GOLGA3: variants seen among roughly 807,000 people sequenced by gnomAD.
GOLGA3 encodes golgin A3, also known as golgin subfamily A member 3.
A neutral mutation model predicts 169.4 loss-of-function variants in GOLGA3; 75 were observed. The ratio of observed to expected loss-of-function variants is 0.44; its 90% CI spans 0.37 to 0.54. The LOEUF is 0.54. Ranked by LOEUF, GOLGA3 falls within the 20% of genes least tolerant of loss-of-function variation. The pLI, the probability that GOLGA3 is intolerant of heterozygous loss-of-function variation, is 0.00. For synonymous variants in GOLGA3, 824 were observed against 822.4 expected (o/e 1.00, Z -0.03); for missense variants, 1,899 against 1,930.0 (o/e 0.98, Z 0.30).
Position 132,780,824 on chromosome 12 carries a change from CCTT to C in GOLGA3, c.3553_3555del (p.Lys1185del). ...TGCTCCTTGAGGCTGTTCACCTTCT[CCTT>C]CTCCTTCTCTAGTGAGGCCTGCAGG... is the stretch of plus-strand genomic sequence containing the variant. On this transcript the variant is annotated inframe_deletion, in exon 18 of 24. Coordinates refer to ENST00000450791, the MANE Select transcript of GOLGA3 (RefSeq NM_001389683.1). 6.2e-7 allele frequency: 1 copy of C among 1,611,212 alleles called. No homozygotes were observed. The highest frequency in any genetic ancestry group is 8.5e-7 in the Non-Finnish European group (1 of 1,179,240).
chr12:132,828,827 G>C lies in GOLGA3; in HGVS notation c.-208C>G, dbSNP rs1434481116. 1 of 152,238 alleles carries C rather than the reference G, an allele frequency of 6.6e-6. No homozygotes were observed. Among genetic ancestry groups the C allele is most frequent in the Non-Finnish European group, 1.5e-5 (1 of 68,006 alleles). The allele number at this position is 152,238 out of a possible 1,614,324, so 9.4% of individuals were successfully genotyped here. A position where few individuals can be genotyped will look rare whatever the true frequency, so the allele number is the denominator to read the frequency against. On this transcript the variant is annotated 5_prime_UTR_variant, in exon 1 of 24. Transcript: ENST00000450791. ...CCCTGCTGCTCTGGCAGCCCCGGAG[G>C]CCGCCCGGCCCGGATGCTCCGGCGG...
chr12:132,821,962 T>G, intron 2 of GOLGA3, 34 bp downstream of exon 2: 1 of 1,477,110 alleles, frequency 6.8e-7, no homozygotes, highest in Non-Finnish European at 9.2e-7. Flanking sequence ...CAGGTCCTCC[T>G]GTGACCAGCA....
At chr12:132,812,212 CAT>C (rs1198638648) in intron 4 of GOLGA3, among the ~76,000 whole-genome samples, 1 of 116,214 alleles carries the variant, frequency 8.6e-6, no homozygotes, top group African/African-American at 2.8e-5. Flanking sequence ...CACACACACA[CAT>C]ATATATATAT....
intron 8 of GOLGA3, among the ~76,000 whole-genome samples, chr12:132,799,641 T>G (rs1172017960): frequency 6.6e-6 from 1 of 152,006 alleles, no homozygotes; most frequent in Non-Finnish European, 1.5e-5. Flanking sequence ...AGACCCTGTC[T>G]CCGAAAAAAC....
At position 132,808,020 on chromosome 12, in the gene GOLGA3, A is replaced by G. The variant is rs756994566; in HGVS notation, c.1049T>C (p.Ile350Thr). ...GAACTGGCCCAGGGTATCCGCAGGAATCTCCTGGCCGTTGACCATATAGGG... is the reference window on the plus strand; with the variant it reads ...GAACTGGCCCAGGGTATCCGCAGGAGTCTCCTGGCCGTTGACCATATAGGG... ...DTPYMVNGQE[I>T]PADTLGQFPS... Residue 350 changes from isoleucine (I) to threonine (T), a missense_variant, in exon 5 of 24, where the codon ATT becomes ACT. Ile to Thr is a moderately conservative substitution (Grantham distance 89, BLOSUM62 -1). Coordinates refer to ENST00000450791, the MANE Select transcript of GOLGA3 (RefSeq NM_001389683.1). 1 of 1,610,908 alleles carries G rather than the reference A, an allele frequency of 6.2e-7. No homozygotes were observed. The highest frequency in any genetic ancestry group is 2.2e-5 in the East Asian group (1 of 44,842).
In GOLGA3 at chr12:132,816,739, G is replaced by A. The variant is rs550650146; in HGVS notation, c.207C>T (p.Asn69=). 49 of 1,613,772 alleles carry A rather than the reference G, an allele frequency of 3.0e-5. No individual in the cohort carries two copies. The highest frequency in any genetic ancestry group is 8.0e-5 in the African/African-American group (6 of 75,024). ...DGPGQGGLCQ[N]GPTPPFPDPP... is the part of the protein sequence containing the mutation. ...GGTCTGGGAAGGGTGGCGTTGGCCC[G>A]TTCTGACAGAGGCCTCCCTGGCCAG... The change falls in exon 3 of 24, where the codon AAC becomes AAT. Residue 69 remains asparagine (N), a synonymous_variant. Transcript: ENST00000450791.
chr12:132,773,130 G>GC lies in GOLGA3; in HGVS notation c.4471dup (p.Ala1491GlyfsTer43). The GC allele has an allele frequency of 6.3e-7, 1 of 1,586,036 alleles. No individual in the cohort carries two copies. Among genetic ancestry groups the GC allele is most frequent in the Non-Finnish European group, 8.6e-7 (1 of 1,165,558 alleles). ...TCACTCTCCCGGCCCTTCTTTGGAA[G>GC]CCCTGCTCTGACTGTGTCTCTGTGG... On this transcript the variant is annotated frameshift_variant, in exon 24 of 24. Coordinates refer to ENST00000450791, the MANE Select transcript of GOLGA3 (RefSeq NM_001389683.1). LOFTEE classifies it low-confidence loss of function (END_TRUNC).
chr12:132,797,966 C>T (rs1191006442), intron 9 of GOLGA3, among the ~76,000 whole-genome samples: 3 of 152,236 alleles, frequency 2.0e-5, no homozygotes, highest in South Asian at 2.1e-4. Flanking sequence ...CCCCTTCCTC[C>T]GTACCCACTC....
rs1319092678 is a variant in GOLGA3 at position 132,804,637 on chromosome 12, G to T, written c.1597+79C>A. 8.3e-7 allele frequency: 1 copy of T among 1,205,516 alleles called. No homozygotes were observed. The highest frequency in any genetic ancestry group is 2.3e-5 in the East Asian group (1 of 42,682). 74.7% of individuals were successfully genotyped at this position (1,205,516 alleles called of 1,614,324 possible). On this transcript the variant is annotated intron_variant, in intron 7 of 23. Coordinates refer to ENST00000450791, the MANE Select transcript of GOLGA3 (RefSeq NM_001389683.1). The surrounding 1 kb of genome is among the most constrained non-coding windows in gnomAD (Gnocchi z 4.1). Reference sequence around the variant, plus strand: ...CCAGTCAGGGAAGGAGGAGGGCGTGGCGGGGGCCAGTCGAGGAAGGAGGAG... The same window carrying T: ...CCAGTCAGGGAAGGAGGAGGGCGTGTCGGGGGCCAGTCGAGGAAGGAGGAG...
Position 132,789,615 on chromosome 12 carries a change from T to G in GOLGA3, c.2548-325A>C, listed in dbSNP as rs143886090. Among the ~76,000 whole-genome samples, 388 of 151,908 alleles carry G rather than the reference T, an allele frequency of 2.6e-3. 1 individual carries two copies. Among genetic ancestry groups the G allele is most frequent in the African/African-American group, 9.0e-3 (370 of 41,208 alleles). On this transcript the variant is annotated intron_variant, in intron 12 of 23. Coordinates refer to ENST00000450791, the MANE Select transcript of GOLGA3 (RefSeq NM_001389683.1). Reference sequence around the variant, plus strand: ...TGCTTCCAACAGGTAATCCCCTTGCTTGTGGCTCAGTAATAAAGCAAAGCA... The same window carrying G: ...TGCTTCCAACAGGTAATCCCCTTGCGTGTGGCTCAGTAATAAAGCAAAGCA...
Position 132,786,260 on chromosome 12 carries a change from G to A in GOLGA3, c.3123+79C>T, listed in dbSNP as rs2045892456. ...CGAGCTCGGCCCCGCTAGGCTTTAG[G>A]GGACAACTGCTGATGGAGAGCCCTT... On this transcript the variant is annotated intron_variant, in intron 15 of 23. Coordinates refer to ENST00000450791, the MANE Select transcript of GOLGA3 (RefSeq NM_001389683.1). 17 of 1,002,440 alleles carry A rather than the reference G, an allele frequency of 1.7e-5. No homozygotes were observed. The South Asian group carries it at 1.9e-4, about 11-fold the overall frequency. 62.1% of individuals were successfully genotyped at this position (1,002,440 alleles called of 1,614,324 possible).
At chr12:132,780,985 G>A (rs2045571141) in intron 17 of GOLGA3, 71 bp from the exon 18 acceptor site, 2 of 1,129,426 alleles carry the variant, frequency 1.8e-6, no homozygotes, top group East Asian at 4.7e-5. Flanking sequence ...GCTACAGCAG[G>A]CAACGTGACA....
rs1040824866 is a variant in GOLGA3, at chr12:132,777,577, A to C, written c.3722+89T>G. The C allele has an allele frequency of 3.5e-6, 5 of 1,442,324 alleles. No individual in the cohort carries two copies. The Admixed American group carries it at 7.8e-5, about 23-fold the overall frequency. The allele number at this position is 1,442,324 out of a possible 1,614,324, so 89.3% of individuals were successfully genotyped here. On this transcript the variant is annotated intron_variant, in intron 19 of 23. Coordinates refer to ENST00000450791, the MANE Select transcript of GOLGA3 (RefSeq NM_001389683.1). The surrounding 1 kb of genome is among the most constrained non-coding windows in gnomAD (Gnocchi z 4.7). ...GTACTCGGCAATTTGCAAAATATAG[A>C]TGACCCTCGCTGTGCTGAAGGTGTG... is the stretch of plus-strand genomic sequence containing the variant.
intron 7 of GOLGA3, among the ~76,000 whole-genome samples, chr12:132,803,937 G>A (rs960053444): frequency 2.6e-5 from 4 of 152,128 alleles, no homozygotes; most frequent in Admixed American, 1.3e-4. Context: ...ACCCTGCTTC[G>A]CCCTCTCCTT....
chr12:132,783,544 G>A lies in GOLGA3; in HGVS notation c.3267+620C>T, dbSNP rs183675543. 4.4e-3 allele frequency among the ~76,000 whole-genome samples: 675 copies of A among 152,386 alleles called. 7 individuals are homozygous for A. Among genetic ancestry groups the A allele is most frequent in the African/African-American group, 0.015 (641 of 41,598 alleles). ...GGGACACTGAGCTGCCACCAGCAGC[G>A]CTGAAGCGAGAACTGTCTCTGAACC... On this transcript the variant is annotated intron_variant, in intron 16 of 23. Transcript: ENST00000450791.
intron 3 of GOLGA3, among the ~76,000 whole-genome samples, chr12:132,815,244 T>C (rs1437431453): frequency 1.3e-5 from 2 of 152,224 alleles, no homozygotes; most frequent in African/African-American, 2.4e-5. Flanking sequence ...CAGATATTTA[T>C]ATAAGTCGGC....
intron 1 of GOLGA3, chr12:132,828,307 G>A (rs1950512033): frequency 6.6e-6 from 1 of 152,222 alleles, no homozygotes; most frequent in Non-Finnish European, 1.5e-5. Flanking sequence ...CCACACGACT[G>A]ACATTCGTCG....
At chr12:132,776,116 A>C (rs72624270) in intron 21 of GOLGA3, among the ~76,000 whole-genome samples, 37,513 of 138,684 alleles carry the variant, frequency 0.27, 7,364 homozygotes, top group Non-Finnish European at 0.38. Context: ...GGGCTGCCCC[A>C]GAAGTGGTGC....
At chr12:132,776,182 C>G in intron 21 of GOLGA3, among the ~76,000 whole-genome samples, 1 of 71,528 alleles carries the variant, frequency 1.4e-5, no homozygotes, top group Non-Finnish European at 3.8e-5. Flanking sequence ...GCTGTAGCCC[C>G]TCCAGCTCCT....
Sources: allele counts gnomAD v4.1 joint callset (sites outside exome capture counted in the v4.1 genomes callset), GRCh38; gene constraint gnomAD v4.1.1; non-coding constraint Gnocchi (gnomAD v3.1); transcripts MANE v1.5; gene names NCBI Gene and HGNC (gene_info 2026-07-23, HGNC 2026-07-21).